PCDHGB1: variants seen among roughly 807,000 people sequenced by gnomAD.
PCDHGB1 encodes the protein protocadherin gamma subfamily B, 1.
Under a neutral mutation model 56.6 loss-of-function variants are expected in PCDHGB1, and 34 were observed. The ratio of observed to expected loss-of-function variants is 0.60; its 90% CI spans 0.46 to 0.80. The LOEUF (loss-of-function observed/expected upper bound fraction) is 0.80. PCDHGB1 is among the 30% of genes least tolerant of loss of function. The pLI, the probability that PCDHGB1 is intolerant of heterozygous loss-of-function variation, is 0.00. For missense variants in PCDHGB1, 1,278 were observed against 1,204.6 expected (o/e 1.06, Z -0.90); for synonymous variants, 561 against 505.9 (o/e 1.11, Z -1.46).
chr5:141,444,013 C>T (rs1226458485), intron 1 of PCDHGB1, among the ~76,000 whole-genome samples: 2 of 152,060 alleles, frequency 1.3e-5, no homozygotes, highest in Admixed American at 6.6e-5. Flanking sequence ...TGGGTATTGG[C>T]TTCTAAAAGG....
At chr5:141,384,823 C>T (rs1780554130) in intron 1 of PCDHGB1, 1 of 1,613,490 alleles carries the variant, frequency 6.2e-7, no homozygotes, top group South Asian at 1.1e-5. Flanking sequence ...CAAGCAGAGC[C>T]TCGTGGTGGC....
At chr5:141,419,901 C>A (rs2096446114) in intron 1 of PCDHGB1, 5 of 1,614,108 alleles carry the variant, frequency 3.1e-6, no homozygotes, top group Non-Finnish European at 4.2e-6. Flanking sequence ...CATCCCACAC[C>A]CTCTGACTCC....
In PCDHGB1 at chr5:141,399,542, C is replaced by T. The variant is rs761214012; in HGVS notation, c.2409+46873C>T. The T allele has an allele frequency of 5.6e-6, 9 of 1,614,046 alleles. No homozygotes were observed. The South Asian group carries it at 8.8e-5, about 16-fold the overall frequency. On this transcript the variant is annotated intron_variant, in intron 1 of 3. Transcript: ENST00000523390. ...GGGGCCTCCATCGCGCAAGTCTGCGCCTCGGACCTGGACTTGGGGTTGAAC... is the reference window on the plus strand; with the variant it reads ...GGGGCCTCCATCGCGCAAGTCTGCGTCTCGGACCTGGACTTGGGGTTGAAC...
intron 1 of PCDHGB1, among the ~76,000 whole-genome samples, chr5:141,448,214 G>A (rs2098576063): frequency 6.6e-6 from 1 of 152,092 alleles, no homozygotes; most frequent in Non-Finnish European, 1.5e-5. Context: ...CTGTGTGTAT[G>A]CGAATGTATG....
At chr5:141,430,633 C>T in intron 1 of PCDHGB1, 1 of 868,018 alleles carries the variant, frequency 1.2e-6, no homozygotes, top group Non-Finnish European at 1.7e-6. Context: ...ATGAACCATC[C>T]CTGGGAGTAT....
At chr5:141,358,349 G>A (rs1182827672) in intron 1 of PCDHGB1, among the ~76,000 whole-genome samples, 3 of 152,164 alleles carry the variant, frequency 2.0e-5, no homozygotes, top group African/African-American at 7.2e-5. Context: ...TGGACTGAGG[G>A]TTTTTTAATT....
intron 1 of PCDHGB1, among the ~76,000 whole-genome samples, chr5:141,472,742 T>C (rs926507203): frequency 2.0e-5 from 3 of 151,762 alleles, no homozygotes; most frequent in Non-Finnish European, 4.4e-5. Flanking sequence ...TCCCAGCACT[T>C]TGGGAGGCGG....
intron 3 of PCDHGB1, among the ~76,000 whole-genome samples, chr5:141,506,011 C>T (rs1209221520): frequency 6.6e-6 from 1 of 152,204 alleles, no homozygotes; most frequent in Non-Finnish European, 1.5e-5. Flanking sequence ...TCCTCTTTTG[C>T]TGCCCCTAAC....
chr5:141,352,088 C>T lies in PCDHGB1; in HGVS notation c.1828C>T (p.Pro610Ser), dbSNP rs1041133443. 6.2e-7 allele frequency: 1 copy of T among 1,605,026 alleles called. No individual in the cohort carries two copies. The highest frequency in any genetic ancestry group is 1.3e-5 in the African/African-American group (1 of 74,762). ...LSYHVLQASE[P>S]GLFSLGLRTG... is the part of the protein sequence containing the mutation. Reference sequence around the variant, plus strand: ...CTACCACGTGCTGCAGGCCAGCGAGCCCGGGCTCTTCAGCCTGGGGTTGCG... The same window carrying T: ...CTACCACGTGCTGCAGGCCAGCGAGTCCGGGCTCTTCAGCCTGGGGTTGCG... Residue 610 changes from proline to serine, a missense_variant, in exon 1 of 4, where the codon CCC becomes TCC. Transcript: ENST00000523390.
rs70988800 is a variant in PCDHGB1 at position 141,379,889 on chromosome 5, CTTTTTTTTTTTTT to C, written c.2409+27238_2409+27250del. Among the ~76,000 whole-genome samples the C allele has an allele frequency of 8.7e-4, 44 of 50,836 alleles. 1 individual carries two copies. The South Asian group carries it at 0.014, about 16-fold the overall frequency. The allele number at this position is 50,836 out of a possible 152,430, so 33.4% of individuals were successfully genotyped here. On this transcript the variant is annotated intron_variant, in intron 1 of 3. Transcript: ENST00000523390. ...CTTATTTTATGGTCTGTGAAAGCCT[CTTTTTTTTTTTTT>C]TTTTTTTTTTTTTTTTTGTCAGAGT...
intron 1 of PCDHGB1, chr5:141,364,103 C>G: frequency 2.4e-6 from 1 of 411,126 alleles, no homozygotes; most frequent in East Asian, 3.6e-5. Flanking sequence ...GATGCAGTCA[C>G]TGGTTAGGAC....
chr5:141,508,737 C>A (rs919094477), intron 3 of PCDHGB1, among the ~76,000 whole-genome samples: 8 of 152,010 alleles, frequency 5.3e-5, no homozygotes, highest in Non-Finnish European at 1.2e-4. Flanking sequence ...CTACACCCCC[C>A]ACCCCGCTCT....
intron 1 of PCDHGB1, chr5:141,422,606 C>A: frequency 6.2e-7 from 1 of 1,613,904 alleles, no homozygotes; most frequent in Non-Finnish European, 8.5e-7. Context: ...TCTTACTCTG[C>A]CTACATTCCC....
chr5:141,375,542 G>GTC (rs767363908), intron 1 of PCDHGB1: 3 of 1,613,976 alleles, frequency 1.9e-6, no homozygotes, highest in Non-Finnish European at 2.5e-6. Flanking sequence ...GAACGCCCAA[G>GTC]TCTCCTACTC....
chr5:141,362,713 T>C (rs1762646923), intron 1 of PCDHGB1: 1 of 922,312 alleles, frequency 1.1e-6, no homozygotes, highest in Non-Finnish European at 1.6e-6. Flanking sequence ...AAGTGTTTTC[T>C]CTCTGAAGTG....
intron 1 of PCDHGB1, chr5:141,383,006 C>A (rs751850819): frequency 1.9e-6 from 3 of 1,613,640 alleles, no homozygotes; most frequent in Non-Finnish European, 2.5e-6. Context: ...TACTCCGTGT[C>A]GGAGGAGACG....
At position 141,505,394 on chromosome 5, in the gene PCDHGB1, T is replaced by C; in HGVS notation, c.2470T>C (p.Ser824Pro). 6.2e-7 allele frequency: 1 copy of C among 1,614,110 alleles called. No homozygotes were observed. The highest frequency in any genetic ancestry group is 8.5e-7 in the Non-Finnish European group (1 of 1,180,002). The part of the protein sequence containing the change: ...SQAQRPGTSG[S>P]QNGDDTGTWP... ...CTCACCATCCTACTCTCTCCCCAGC[T>C]CCCAAAATGGCGATGACACCGGCAC... Residue 824 changes from serine (S) to proline (P), a missense_variant and splice_region_variant, in exon 3 of 4, where the codon TCC becomes CCC. By Grantham distance (74) the Ser-to-Pro change is moderately conservative. Coordinates refer to ENST00000523390, the MANE Select transcript of PCDHGB1 (RefSeq NM_018922.3).
At position 141,487,571 on chromosome 5, in the gene PCDHGB1, G is replaced by A; in HGVS notation, c.2410-7236G>A. The A allele has an allele frequency of 4.3e-6, 7 of 1,614,178 alleles. No individual in the cohort carries two copies. The highest frequency in any genetic ancestry group is 5.9e-6 in the Non-Finnish European group (7 of 1,180,038). On this transcript the variant is annotated intron_variant, in intron 1 of 3. Coordinates refer to ENST00000523390, the MANE Select transcript of PCDHGB1 (RefSeq NM_018922.3). This position sits in a 1 kb window ranked among gnomAD's most constrained non-coding sequence, Gnocchi z 5.0. ...CAGTGCACCTATGGCAGGGGAGCCTGTTCGCCCAAGCTGCCCACCCTCTGA... is the reference window on the plus strand; with the variant it reads ...CAGTGCACCTATGGCAGGGGAGCCTATTCGCCCAAGCTGCCCACCCTCTGA...
intron 1 of PCDHGB1, chr5:141,426,778 C>A (rs780981970): frequency 2.2e-6 from 1 of 456,716 alleles, no homozygotes; most frequent in South Asian, 1.5e-5. Context: ...GGGCCTCACT[C>A]TCTCCAGAGT....
Sources: allele counts gnomAD v4.1 joint callset (sites outside exome capture counted in the v4.1 genomes callset), GRCh38; gene constraint gnomAD v4.1.1; non-coding constraint Gnocchi (gnomAD v3.1); transcripts MANE v1.5; gene names NCBI Gene and HGNC (gene_info 2026-07-23, HGNC 2026-07-21).